Variants in PACRG observed in about 807,000 individuals in gnomAD.
PACRG encodes parkin coregulated gene protein.
PACRG carries 29 observed loss-of-function variants against 29.7 expected under a neutral mutation model. That is an observed-to-expected ratio of 0.98 (90% CI 0.73 to 1.33). The LOEUF (loss-of-function observed/expected upper bound fraction) is 1.33, where lower values mean the gene tolerates loss of function less well. Among genes scored for constraint, PACRG ranks in the 40% most tolerant of loss-of-function variants. The pLI is 0.00. For missense variants in PACRG, 279 were observed against 316.2 expected (o/e 0.88, Z 0.89); for synonymous variants, 116 against 118.7 (o/e 0.98, Z 0.15).
At chr6:162,877,362 A>G (rs1395493562) in intron 2 of PACRG, among the ~76,000 whole-genome samples, 4 of 152,142 alleles carry the variant, frequency 2.6e-5, no homozygotes, top group Non-Finnish European at 4.4e-5. Context: ...ACATGTTCTC[A>G]CTCAGAAGTG....
At chr6:162,850,555 A>G (rs2128424423) in intron 2 of PACRG, among the ~76,000 whole-genome samples, 1 of 152,318 alleles carries the variant, frequency 6.6e-6, no homozygotes, top group South Asian at 2.1e-4. Flanking sequence ...TGGTTTAATC[A>G]ATCATGACTA....
intron 2 of PACRG, among the ~76,000 whole-genome samples, chr6:162,860,882 T>G (rs750063965): frequency 6.6e-6 from 1 of 152,174 alleles, no homozygotes; most frequent in Non-Finnish European, 1.5e-5. Context: ...AAAAACCTGA[T>G]GAATTTAGGT....
At chr6:162,803,075 C>T (rs1480885802) in intron 1 of PACRG, among the ~76,000 whole-genome samples, 1 of 152,038 alleles carries the variant, frequency 6.6e-6, no homozygotes, top group Non-Finnish European at 1.5e-5. Context: ...GTTCAGTGAC[C>T]CCCCAAGTTG....
intron 2 of PACRG, among the ~76,000 whole-genome samples, chr6:162,991,886 T>G (rs1803459360): frequency 8.3e-6 from 1 of 121,066 alleles, no homozygotes; most frequent in African/African-American, 4.4e-5. Context: ...TTGTCATAGA[T>G]AGCTCTTATT....
intron 2 of PACRG, among the ~76,000 whole-genome samples, chr6:162,998,669 T>A (rs953413594): frequency 1.3e-5 from 2 of 152,254 alleles, no homozygotes; most frequent in Non-Finnish European, 2.9e-5. Context: ...TACAATTTCA[T>A]AGTCAAATCT....
upstream of PACRG, chr6:162,727,373 G>C: frequency 2.3e-6 from 1 of 438,326 alleles, no homozygotes; most frequent in South Asian, 3.2e-5. Context: ...GGGGGACCGC[G>C]AACGAGGAGC....
intron 2 of PACRG, among the ~76,000 whole-genome samples, chr6:163,049,220 A>G (rs928274649): frequency 3.9e-5 from 6 of 152,120 alleles, no homozygotes; most frequent in Non-Finnish European, 8.8e-5. Flanking sequence ...ATAGAAATTT[A>G]TAATAAGGTT....
At position 162,951,355 on chromosome 6, in the gene PACRG, C is replaced by T. The variant is rs146594309; in HGVS notation, c.292-110795C>T. Among the ~76,000 whole-genome samples, 861 of 152,286 alleles carry T rather than the reference C, an allele frequency of 5.7e-3. 12 individuals carry two copies. The highest frequency in any genetic ancestry group is 0.02 in the African/African-American group (823 of 41,556). ...TATGACTGATCAATATAGCTGAGCC[C>T]TGATTGGTTGATACAGCTGAGCCCA... On this transcript the variant is annotated intron_variant, in intron 2 of 4. Transcript: ENST00000366888.
chr6:163,274,442 T>G (rs1353717719), intron 4 of PACRG, among the ~76,000 whole-genome samples: 1 of 152,234 alleles, frequency 6.6e-6, no homozygotes, highest in Non-Finnish European at 1.5e-5. Flanking sequence ...TGATGGACAT[T>G]TGGGTTGGTT....
rs528827354 is a variant in PACRG at position 163,191,886 on chromosome 6, A to G, written c.613+102478A>G. On this transcript the variant is annotated intron_variant, in intron 4 of 4. Coordinates refer to ENST00000366888, the MANE Select transcript of PACRG (RefSeq NM_001080379.2). ...CCCCGCCTGGTGTCTCACACCCCAA[A>G]GCAGACTGTAAGCTTCCTGAAGACT... 3.2e-5 allele frequency: 13 copies of G among 407,360 alleles called. No individual in the cohort carries two copies. In the East Asian group the frequency reaches 9.2e-4, roughly 29 times the overall value. The allele number at this position is 407,360 out of a possible 1,614,324, so 25.2% of individuals were successfully genotyped here.
At chr6:163,242,853 G>C (rs758007396) in intron 4 of PACRG, among the ~76,000 whole-genome samples, 1 of 152,146 alleles carries the variant, frequency 6.6e-6, no homozygotes, top group Non-Finnish European at 1.5e-5. Flanking sequence ...ACAGGGAATT[G>C]TTTCTTTTGT....
chr6:163,284,413 T>C (rs560074077), intron 4 of PACRG, among the ~76,000 whole-genome samples: 2 of 152,342 alleles, frequency 1.3e-5, no homozygotes, highest in South Asian at 4.1e-4. Flanking sequence ...CGGGCATGAA[T>C]TTCTTCCATG....
intron 2 of PACRG, among the ~76,000 whole-genome samples, chr6:162,976,904 AAAT>A (rs1457044665): frequency 6.6e-6 from 1 of 152,134 alleles, no homozygotes; most frequent in African/African-American, 2.4e-5. Flanking sequence ...GAATATAAAA[AAAT>A]ACGCAAAATG....
intron 4 of PACRG, among the ~76,000 whole-genome samples, chr6:163,204,346 A>G (rs963154804): frequency 6.6e-6 from 1 of 152,200 alleles, no homozygotes; most frequent in African/African-American, 2.4e-5. Flanking sequence ...TTATGTTATT[A>G]CTGCATTCAA....
chr6:163,155,368 T>C (rs1224518616), intron 4 of PACRG, among the ~76,000 whole-genome samples: 2 of 152,164 alleles, frequency 1.3e-5, no homozygotes, highest in South Asian at 2.1e-4. Context: ...CAGAGGGAGA[T>C]AGCATTTGAG....
At chr6:163,102,490 C>A (rs1815152460) in intron 4 of PACRG, among the ~76,000 whole-genome samples, 1 of 152,126 alleles carries the variant, frequency 6.6e-6, no homozygotes, top group Non-Finnish European at 1.5e-5. Context: ...TGGGAAGATC[C>A]CAAGGAGAGT....
chr6:163,094,126 C>G (rs905572984), intron 4 of PACRG, among the ~76,000 whole-genome samples: 1 of 152,182 alleles, frequency 6.6e-6, no homozygotes, highest in African/African-American at 2.4e-5. Flanking sequence ...CGTTGATGAA[C>G]TTCTGGGAAT....
At chr6:162,780,985 G>C (rs552164390) in intron 1 of PACRG, among the ~76,000 whole-genome samples, 63 of 152,074 alleles carry the variant, frequency 4.1e-4, no homozygotes, top group Middle Eastern at 3.4e-3. Context: ...AAAAGATAAT[G>C]ACCAAAAAAT....
At chr6:162,949,994 T>A (rs9356081) in intron 2 of PACRG, among the ~76,000 whole-genome samples, 65,924 of 152,060 alleles carry the variant, frequency 0.43, 15,000 homozygotes, top group East Asian at 0.53. Flanking sequence ...CTGAGCAACT[T>A]TGATCCTGAA....
Sources: allele counts gnomAD v4.1 joint callset (sites outside exome capture counted in the v4.1 genomes callset), GRCh38; gene constraint gnomAD v4.1.1; transcripts MANE v1.5; gene names NCBI Gene and HGNC (gene_info 2026-07-23, HGNC 2026-07-21).